NCAM2: variants seen among roughly 807,000 people sequenced by gnomAD.
The protein encoded by NCAM2 is neural cell adhesion molecule 2, also known as N-CAM-2.
In NCAM2, 30 loss-of-function variants were observed where a neutral mutation model predicts 98.1. That is an observed-to-expected ratio of 0.31 (90% CI 0.23 to 0.41). NCAM2 has a LOEUF of 0.41. Ranked by LOEUF, NCAM2 falls within the 10% of genes least tolerant of loss-of-function variation. NCAM2 has a pLI of 1.00. For missense variants in NCAM2, 867 were observed against 1,005.8 expected, an observed-to-expected ratio of 0.86 and a Z score of 1.87; for synonymous variants, 368 against 342.4, an observed-to-expected ratio of 1.07 and a Z score of -0.83.
At chr21:21,265,256 C>T (rs145919999) in intron 1 of NCAM2, among the ~76,000 whole-genome samples, 1,969 of 121,308 alleles carry the variant, frequency 0.016, 68 homozygotes, top group East Asian at 0.14. Flanking sequence ...TGTATATATA[C>T]GTATATACAC....
intron 6 of NCAM2, among the ~76,000 whole-genome samples, chr21:21,332,911 A>G (rs2074755753): frequency 6.6e-6 from 1 of 152,216 alleles, no homozygotes; most frequent in African/African-American, 2.4e-5. Flanking sequence ...TTGGGAGCAT[A>G]TAGTTTATGT....
chr21:21,450,459 C>CT (rs1261330445), intron 12 of NCAM2, among the ~76,000 whole-genome samples: 6 of 151,896 alleles, frequency 4.0e-5, no homozygotes, highest in Admixed American at 3.9e-4. Flanking sequence ...ATCTTCCCAC[C>CT]TCAGCCTCCT....
chr21:21,236,922 T>C (rs1320282845), intron 1 of NCAM2, among the ~76,000 whole-genome samples: 1 of 152,196 alleles, frequency 6.6e-6, no homozygotes, highest in East Asian at 1.9e-4. Context: ...ACTAGAGTTA[T>C]GTAGACAATA....
intron 11 of NCAM2, 43 bp from the exon 12 acceptor site, chr21:21,432,065 C>T (rs1272953926): frequency 1.9e-6 from 3 of 1,578,124 alleles, no homozygotes; most frequent in Admixed American, 1.7e-5. Context: ...ATGGCCATTC[C>T]CATTCCCTTG....
rs1331371201 is a variant in NCAM2, at chr21:21,530,205, ATAATT to A, written c.2283-4316_2283-4312del. On this transcript the variant is annotated intron_variant, in intron 16 of 17. Transcript: ENST00000400546. ...ATGATTTAATTTAATTTAATTATAT[ATAATT>A]TAATTTAATTTAATTATATATATTT... Among the ~76,000 whole-genome samples the A allele has an allele frequency of 1.5e-3, 107 of 69,884 alleles. 1 individual carries two copies. The highest frequency in any genetic ancestry group is 3.6e-3 in the African/African-American group (66 of 18,562). The allele number at this position is 69,884 out of a possible 152,430, so 45.8% of individuals were successfully genotyped here.
chr21:21,540,677 A>C lies in NCAM2; in HGVS notation c.*2720A>C, dbSNP rs934656416. ...GAGAGTACTCTTAAATATTAGTATA[A>C]AGTGTCAAAAGAATTGACTGAATAT... On this transcript the variant is annotated 3_prime_UTR_variant, in exon 18 of 18. Coordinates refer to ENST00000400546, the MANE Select transcript of NCAM2 (RefSeq NM_004540.5). 2.6e-5 allele frequency: 4 copies of C among 152,006 alleles called. No individual in the cohort carries two copies. The highest frequency in any genetic ancestry group is 4.4e-5 in the Non-Finnish European group (3 of 67,938). The allele number at this position is 152,006 out of a possible 1,614,324, so 9.4% of individuals were successfully genotyped here. A position where few individuals can be genotyped will look rare whatever the true frequency, so the allele number is the denominator to read the frequency against.
chr21:21,340,745 A>G (rs2075004391), intron 8 of NCAM2, among the ~76,000 whole-genome samples: 1 of 151,992 alleles, frequency 6.6e-6, no homozygotes, highest in African/African-American at 2.4e-5. Flanking sequence ...TCACAAATCA[A>G]ATGGTTGAGC....
At chr21:21,104,631 A>G (rs1333429027) in intron 1 of NCAM2, among the ~76,000 whole-genome samples, 1 of 152,136 alleles carries the variant, frequency 6.6e-6, no homozygotes, top group East Asian at 1.9e-4. Flanking sequence ...AAAGTTCCTA[A>G]GACAAGAATG....
intron 2 of NCAM2, among the ~76,000 whole-genome samples, chr21:21,281,982 C>A (rs2072945264): frequency 6.6e-6 from 1 of 151,608 alleles, no homozygotes; most frequent in African/African-American, 2.4e-5. Context: ...GCCCATGATT[C>A]TTTATACATT....
chr21:21,466,788 A>G, intron 13 of NCAM2, 63 bp downstream of exon 13: 2 of 1,494,684 alleles, frequency 1.3e-6, no homozygotes, highest in Admixed American at 2.0e-5. Flanking sequence ...AATTTAATAG[A>G]TTTTAAAATG....
intron 1 of NCAM2, among the ~76,000 whole-genome samples, chr21:21,181,491 G>T (rs958440599): frequency 6.6e-6 from 1 of 152,048 alleles, no homozygotes. Context: ...CATGCTTGTC[G>T]TGTGCGTTGT....
intron 1 of NCAM2, among the ~76,000 whole-genome samples, chr21:21,047,491 G>A (rs1346150795): frequency 6.6e-6 from 1 of 152,020 alleles, no homozygotes; most frequent in Non-Finnish European, 1.5e-5. Context: ...AAACAAAAAA[G>A]AAAAACAAGA....
At chr21:21,369,910 T>C (rs1191391955) in intron 8 of NCAM2, among the ~76,000 whole-genome samples, 2 of 151,746 alleles carry the variant, frequency 1.3e-5, no homozygotes, top group Non-Finnish European at 2.9e-5. Flanking sequence ...TTTTCCTACT[T>C]TTCTTACTTT....
chr21:21,416,784 T>A (rs1200331481), intron 10 of NCAM2, among the ~76,000 whole-genome samples: 1 of 152,146 alleles, frequency 6.6e-6, no homozygotes, highest in Non-Finnish European at 1.5e-5. Context: ...TGTGCTGGGT[T>A]TAAGTGTAAA....
At chr21:21,074,057 C>G (rs1159150171) in intron 1 of NCAM2, among the ~76,000 whole-genome samples, 1 of 152,110 alleles carries the variant, frequency 6.6e-6, no homozygotes, top group Non-Finnish European at 1.5e-5. Context: ...GTTTTTATTA[C>G]AAGTTTGTTT....
At chr21:21,071,597 G>C (rs1175313595) in intron 1 of NCAM2, among the ~76,000 whole-genome samples, 1 of 152,144 alleles carries the variant, frequency 6.6e-6, no homozygotes, top group Non-Finnish European at 1.5e-5. Context: ...TTGACGTATA[G>C]AGTTAGAAGT....
intron 1 of NCAM2, among the ~76,000 whole-genome samples, chr21:21,052,963 G>C (rs1253883468): frequency 6.6e-6 from 1 of 151,646 alleles, no homozygotes; most frequent in South Asian, 2.1e-4. Context: ...TGCTTTGCTT[G>C]CTTATTCTCC....
At position 21,067,335 on chromosome 21, in the gene NCAM2, G is replaced by A. The variant is rs141237084; in HGVS notation, c.55+68717G>A. On this transcript the variant is annotated intron_variant, in intron 1 of 17. Transcript: ENST00000400546. ...TATGAAGAGGGGAATTGTGTACCACGTTTGTAATAAAACATGAGAACTATG... is the reference window on the plus strand; with the variant it reads ...TATGAAGAGGGGAATTGTGTACCACATTTGTAATAAAACATGAGAACTATG... 2.7e-3 allele frequency among the ~76,000 whole-genome samples: 404 copies of A among 152,096 alleles called. 1 individual carries two copies. The highest frequency in any genetic ancestry group is 4.1e-3 in the Non-Finnish European group (278 of 67,914).
intron 1 of NCAM2, among the ~76,000 whole-genome samples, chr21:21,173,949 G>A (rs1420342613): frequency 6.6e-6 from 1 of 152,076 alleles, no homozygotes; most frequent in Non-Finnish European, 1.5e-5. Context: ...TTGAGATGGA[G>A]TTTTGCTCTT....
Sources: gnomAD v4.1 joint callset for allele counts (sites outside exome capture counted in the v4.1 genomes callset) on GRCh38, gnomAD v4.1.1 for gene constraint, MANE v1.5 for transcripts, NCBI Gene and HGNC (gene_info 2026-07-23, HGNC 2026-07-21) for gene names.